Variants in DSG3 observed in about 807,000 individuals in gnomAD.
DSG3 encodes desmoglein-3.
A neutral mutation model predicts 85.9 loss-of-function variants in DSG3; 63 were observed. That is an observed-to-expected ratio of 0.73 (90% CI 0.60 to 0.90). DSG3 has a LOEUF of 0.90. Among genes scored for constraint, DSG3 ranks in the 40% least tolerant of loss-of-function variants. DSG3 has a pLI of 0.00. For missense variants in DSG3, 1,220 were observed against 1,219.9 expected (o/e 1.00, Z 0.00); for synonymous variants, 447 against 441.9 (o/e 1.01, Z -0.14).
rs79391475 is a variant in DSG3 at position 31,454,453 on chromosome 18, C to T, written c.49-1987C>T. The stretch of plus-strand genomic sequence containing the variant: ...TTCTTTTCCATGACAAATTTGAACA[C>T]GCACTCTTTGGAATCAAGGTTTCAG... On this transcript the variant is annotated intron_variant, in intron 1 of 15. Transcript: ENST00000257189. Among the ~76,000 whole-genome samples, 312 of 152,278 alleles carry T rather than the reference C, an allele frequency of 2.0e-3. 3 individuals are homozygous for T. In the East Asian group the frequency reaches 0.025, roughly 12 times the overall value.
rs779786641 is a variant in DSG3 at position 31,464,216 on chromosome 18, C to T, written c.1105C>T (p.Pro369Ser). Residue 369 changes from proline to serine, a missense_variant, in exon 9 of 16, where the codon CCA becomes TCA. Coordinates refer to ENST00000257189, the MANE Select transcript of DSG3 (RefSeq NM_001944.3). Reference protein sequence around the residue: ...VISRYRVQSTPVTIQVINVRE... With the variant: ...VISRYRVQSTSVTIQVINVRE... ...CTCTCGATACCGAGTTCAGTCAACC[C>T]CAGTCACAATTCAGGTAATAAATGT... The T allele has an allele frequency of 5.0e-6, 8 of 1,613,980 alleles. No homozygotes were observed. Among genetic ancestry groups the T allele is most frequent in the South Asian group, 3.3e-5 (3 of 91,070 alleles).
intron 1 of DSG3, among the ~76,000 whole-genome samples, chr18:31,449,967 AT>A (rs1194394149): frequency 6.6e-6 from 1 of 152,190 alleles, no homozygotes; most frequent in Non-Finnish European, 1.5e-5. Context: ...TATGTCAATA[AT>A]TTTTTATGTT....
At chr18:31,467,011 A>C (rs867187792) in intron 11 of DSG3, among the ~76,000 whole-genome samples, 7 of 152,114 alleles carry the variant, frequency 4.6e-5, no homozygotes, top group African/African-American at 1.7e-4. Flanking sequence ...AAATCTGTTT[A>C]TTTCTACTTC....
intron 1 of DSG3, among the ~76,000 whole-genome samples, chr18:31,448,914 T>G (rs1460601): frequency 0.28 from 42,791 of 152,032 alleles, 6,937 homozygotes; most frequent in African/African-American, 0.46. Flanking sequence ...TGTTTTTGTT[T>G]TTGTTTTTGA....
intron 3 of DSG3, among the ~76,000 whole-genome samples, chr18:31,457,585 C>CTTTCT (rs1555666278): frequency 2.3e-4 from 14 of 61,210 alleles, no homozygotes; most frequent in Middle Eastern, 8.3e-3. Flanking sequence ...TTCTTTCTTT[C>CTTTCT]TTCTTTCTTT....
chr18:31,461,393 G>C lies in DSG3; in HGVS notation c.980G>C (p.Gly327Ala), dbSNP rs769173583. 6.2e-7 allele frequency: 1 copy of C among 1,612,786 alleles called. No homozygotes were observed. Among genetic ancestry groups the C allele is most frequent in the Non-Finnish European group, 8.5e-7 (1 of 1,179,618 alleles). Residue 327 changes from glycine (G) to alanine (A), a missense_variant, in exon 8 of 16, where the codon GGC (glycine) becomes GCC (alanine). Coordinates refer to ENST00000257189, the MANE Select transcript of DSG3 (RefSeq NM_001944.3). ...CAAACTGATCCTAGAACTAATGAAGGCATCCTGAAAGTGGTGAAGGTAAGG... is the reference window on the plus strand; with the variant it reads ...CAAACTGATCCTAGAACTAATGAAGCCATCCTGAAAGTGGTGAAGGTAAGG... ...EIQTDPRTNE[G>A]ILKVVKALDY...
chr18:31,454,867 C>T (rs1195002853), intron 1 of DSG3, among the ~76,000 whole-genome samples: 1 of 151,500 alleles, frequency 6.6e-6, no homozygotes, highest in African/African-American at 2.4e-5. Context: ...GGTGGTGTGC[C>T]CATGCCTGTA....
At chr18:31,459,650 A>G (rs929965817) in intron 5 of DSG3, among the ~76,000 whole-genome samples, 195 bp from the exon 6 acceptor site, 1 of 152,218 alleles carries the variant, frequency 6.6e-6, no homozygotes, top group East Asian at 1.9e-4. Flanking sequence ...AAGAGTTTGT[A>G]TGGAAGGAAG....
Position 31,460,298 on chromosome 18 carries a change from G to C in DSG3, c.684+287G>C, listed in dbSNP as rs181746762. Among the ~76,000 whole-genome samples the C allele has an allele frequency of 4.6e-5, 7 of 152,330 alleles. No individual in the cohort carries two copies. The East Asian group carries it at 1.3e-3, about 29-fold the overall frequency. On this transcript the variant is annotated intron_variant, in intron 6 of 15. Coordinates refer to ENST00000257189, the MANE Select transcript of DSG3 (RefSeq NM_001944.3). ...GACATACATGGACAAAGATTGAACT[G>C]CAGCTAATTCCTCATGTGATGGAGG...
At chr18:31,474,531 G>C in intron 15 of DSG3, 127 bp downstream of exon 15, 1 of 1,274,364 alleles carries the variant, frequency 7.8e-7, no homozygotes, top group Non-Finnish European at 1.1e-6. Flanking sequence ...AAAATGGTTT[G>C]TTTGTTTTTT....
At chr18:31,469,061 G>A in intron 11 of DSG3, 28 bp from the exon 12 acceptor site, 1 of 1,608,502 alleles carries the variant, frequency 6.2e-7, no homozygotes, top group African/African-American at 1.3e-5. Flanking sequence ...TCGTCCTACT[G>A]TTGATTTGCA....
rs533718232 is a variant in DSG3 at position 31,465,002 on chromosome 18, C to A, written c.1272-316C>A. On this transcript the variant is annotated intron_variant, in intron 9 of 15. Transcript: ENST00000257189. Reference sequence around the variant, plus strand: ...AAATACAAAATTAGCCGTGGTGGTGCACACCTGTAATCCCAGCTACTCGGG... The same window carrying A: ...AAATACAAAATTAGCCGTGGTGGTGAACACCTGTAATCCCAGCTACTCGGG... Among the ~76,000 whole-genome samples, 532 of 151,882 alleles carry A rather than the reference C, an allele frequency of 3.5e-3. 1 individual carries two copies. Among genetic ancestry groups the A allele is most frequent in the African/African-American group, 0.012 (485 of 41,438 alleles).
At chr18:31,450,941 A>G (rs1038856684) in intron 1 of DSG3, among the ~76,000 whole-genome samples, 1 of 152,200 alleles carries the variant, frequency 6.6e-6, no homozygotes, top group African/African-American at 2.4e-5. Context: ...TTAGTAAGTC[A>G]AGAAAGGGCC....
At chr18:31,473,852 C>G (rs2072869931) in intron 14 of DSG3, among the ~76,000 whole-genome samples, 1 of 152,178 alleles carries the variant, frequency 6.6e-6, no homozygotes, top group African/African-American at 2.4e-5. Context: ...CCTGTCTTTT[C>G]TATTTCTGGC....
intron 8 of DSG3, among the ~76,000 whole-genome samples, 163 bp downstream of exon 8, chr18:31,461,575 G>A (rs2072786693): frequency 6.6e-6 from 1 of 152,142 alleles, no homozygotes; most frequent in Admixed American, 6.5e-5. Context: ...TTTACCTGAG[G>A]ACAACCTCTC....
chr18:31,471,855 A>G (rs971383872), intron 12 of DSG3, among the ~76,000 whole-genome samples: 1 of 152,208 alleles, frequency 6.6e-6, no homozygotes, highest in Non-Finnish European at 1.5e-5. Context: ...TTACCAAAAC[A>G]CCATCGTGCC....
chr18:31,466,242 G>A (rs1173533668), intron 10 of DSG3, among the ~76,000 whole-genome samples: 2 of 152,088 alleles, frequency 1.3e-5, no homozygotes, highest in Non-Finnish European at 2.9e-5. Flanking sequence ...TTTTTGTGCT[G>A]ATTTTATTTG....
intron 9 of DSG3, among the ~76,000 whole-genome samples, chr18:31,464,879 G>A (rs779680354): frequency 6.6e-6 from 1 of 152,140 alleles, no homozygotes; most frequent in Non-Finnish European, 1.5e-5. Context: ...GCTCACACCT[G>A]TAATCCCAGC....
In DSG3 at chr18:31,457,136, C is replaced by T; in HGVS notation, c.216+12C>T. On this transcript the variant is annotated intron_variant, in intron 3 of 15. Transcript: ENST00000257189. The stretch of plus-strand genomic sequence containing the variant: ...ACCCAATTGCCAAGGTAAGTTATAT[C>T]AACAGGAGCGTATGAGTTTTTAGAA... The T allele has an allele frequency of 6.2e-7, 1 of 1,604,644 alleles. No individual in the cohort carries two copies. Among genetic ancestry groups the T allele is most frequent in the Non-Finnish European group, 8.5e-7 (1 of 1,177,350 alleles).
Sources: allele counts gnomAD v4.1 joint callset (sites outside exome capture counted in the v4.1 genomes callset), GRCh38; gene constraint gnomAD v4.1.1; transcripts MANE v1.5; gene names NCBI Gene and HGNC (gene_info 2026-07-23, HGNC 2026-07-21).